The following DOCK1 variants were observed in gnomAD, a reference collection of about 807,000 sequenced individuals.
DOCK1 encodes dedicator of cytokinesis 1.
In DOCK1, 138 loss-of-function variants were observed where a neutral mutation model predicts 262.7. The ratio of observed to expected loss-of-function variants is 0.53; its 90% CI spans 0.46 to 0.61. DOCK1 has a LOEUF of 0.61. DOCK1 is among the 20% of genes least tolerant of loss of function. DOCK1 has a pLI of 0.00. For synonymous variants in DOCK1, 866 were observed against 867.4 expected, an observed-to-expected ratio of 1.00 and a Z score of 0.03; for missense variants, 1,908 against 2,370.7, an observed-to-expected ratio of 0.80 and a Z score of 4.05.
chr10:127,106,863 G>A (rs187294158), intron 24 of DOCK1, among the ~76,000 whole-genome samples: 155 of 152,232 alleles, frequency 1.0e-3, no homozygotes, highest in African/African-American at 3.4e-3. Flanking sequence ...CTAACTTGCC[G>A]CCTCTCAGTG....
rs185104221 is a variant in DOCK1 at position 127,102,389 on chromosome 10, C to T, written c.2446-3842C>T. 7.9e-5 allele frequency among the ~76,000 whole-genome samples: 12 copies of T among 152,284 alleles called. No homozygotes were observed. The East Asian group carries it at 9.7e-4, about 12-fold the overall frequency. ...TTGTCTGACAGGTGCAGAATACTTA[C>T]GTCATAGATGAGGCAACATGAACTC... On this transcript the variant is annotated intron_variant, in intron 23 of 51. Transcript: ENST00000623213.
At chr10:127,163,665 T>C (rs1206904249) in intron 27 of DOCK1, among the ~76,000 whole-genome samples, 4 of 152,174 alleles carry the variant, frequency 2.6e-5, no homozygotes, top group Admixed American at 6.5e-5. Flanking sequence ...GTATTCATAT[T>C]AGCCCATTTT....
At chr10:126,933,005 A>G (rs2034300319) in intron 1 of DOCK1, among the ~76,000 whole-genome samples, 1 of 151,780 alleles carries the variant, frequency 6.6e-6, no homozygotes, top group East Asian at 2.0e-4. Context: ...AGTCTGAGGC[A>G]TTTTTGAGCT....
intron 29 of DOCK1, among the ~76,000 whole-genome samples, chr10:127,299,655 TTA>T (rs2061617561): frequency 6.6e-6 from 1 of 152,108 alleles, no homozygotes; most frequent in Non-Finnish European, 1.5e-5. Flanking sequence ...AAGAATAACT[TTA>T]TATTGCTTTA....
At chr10:127,241,139 C>A (rs2498938) in intron 27 of DOCK1, among the ~76,000 whole-genome samples, 152,039 of 152,248 alleles carry the variant, frequency 1, 75,915 homozygotes, top group Non-Finnish European at 1. Context: ...CCTGGCCAAC[C>A]TGGCAAAACC....
intron 47 of DOCK1, among the ~76,000 whole-genome samples, chr10:127,430,051 G>A (rs1024365896): frequency 1.7e-4 from 26 of 151,882 alleles, no homozygotes; most frequent in Non-Finnish European, 2.4e-4. Context: ...AGATGCCATC[G>A]TCCCCCTCTC....
At chr10:127,353,936 G>T (rs1245103532) in intron 31 of DOCK1, among the ~76,000 whole-genome samples, 2 of 152,176 alleles carry the variant, frequency 1.3e-5, no homozygotes, top group African/African-American at 4.8e-5. Flanking sequence ...AGCAGAGCAG[G>T]CTCGATGACA....
chr10:127,439,165 A>G lies in DOCK1; in HGVS notation c.5199A>G (p.Lys1733=). Residue 1733 remains lysine (K), a synonymous_variant, in exon 49 of 52, where the codon AAA becomes AAG. Coordinates refer to ENST00000623213, the MANE Select transcript of DOCK1 (RefSeq NM_001290223.2). ...GCAAACATCAAGAGATATTTGAGAA[A>G]GAATTTAAACCCACCGACATTTCCC... is the stretch of plus-strand genomic sequence containing the variant. ...RNSKHQEIFE[K]EFKPTDISLQ... is the part of the protein sequence containing the mutation. 1 of 1,610,888 alleles carries G rather than the reference A, an allele frequency of 6.2e-7. No individual in the cohort carries two copies. The highest frequency in any genetic ancestry group is 8.5e-7 in the Non-Finnish European group (1 of 1,178,652).
rs1443046344 is a variant in DOCK1, at chr10:127,437,439, G to A, written c.5061-1588G>A. On this transcript the variant is annotated intron_variant, in intron 48 of 51. Coordinates refer to ENST00000623213, the MANE Select transcript of DOCK1 (RefSeq NM_001290223.2). The surrounding 1 kb of genome is among the most constrained non-coding windows in gnomAD (Gnocchi z 4.4). The stretch of plus-strand genomic sequence containing the variant: ...ACACAACATGGAAATAATCAACAGT[G>A]AGCAAATCAATGGGGAGCAAGATTG... Among the ~76,000 whole-genome samples the A allele has an allele frequency of 1.3e-5, 2 of 151,446 alleles. No individual in the cohort carries two copies. The highest frequency in any genetic ancestry group is 2.9e-5 in the Non-Finnish European group (2 of 67,966).
chr10:127,186,917 G>A (rs1267585170), intron 27 of DOCK1, among the ~76,000 whole-genome samples: 3 of 152,162 alleles, frequency 2.0e-5, no homozygotes, highest in Non-Finnish European at 4.4e-5. Flanking sequence ...ATAAGTCCAG[G>A]TCAGCTGTGG....
intron 31 of DOCK1, among the ~76,000 whole-genome samples, chr10:127,349,843 T>G (rs1412746736): frequency 2.0e-5 from 3 of 152,110 alleles, no homozygotes; most frequent in Non-Finnish European, 2.9e-5. Flanking sequence ...GCCTTCTTCT[T>G]TGTGTCTTCC....
At chr10:127,003,349 A>G (rs1026204216) in intron 10 of DOCK1, among the ~76,000 whole-genome samples, 3 of 151,822 alleles carry the variant, frequency 2.0e-5, no homozygotes, top group Non-Finnish European at 4.4e-5. Flanking sequence ...GTGAACCTGC[A>G]TGAACCTGCG....
At chr10:126,962,189 C>T (rs1234590923) in intron 1 of DOCK1, among the ~76,000 whole-genome samples, 39 of 143,570 alleles carry the variant, frequency 2.7e-4, no homozygotes, top group Admixed American at 2.3e-3. Flanking sequence ...GATGGAGTTT[C>T]GCTCTTGTTG....
intron 27 of DOCK1, among the ~76,000 whole-genome samples, chr10:127,244,786 G>A (rs527426077): frequency 3.3e-5 from 5 of 152,198 alleles, no homozygotes; most frequent in African/African-American, 9.6e-5. Flanking sequence ...TCAGCTGCTG[G>A]TGCTGGAGCC....
At chr10:126,970,513 T>C (rs1467733068) in intron 1 of DOCK1, among the ~76,000 whole-genome samples, 189 bp from the exon 2 acceptor site, 1 of 152,192 alleles carries the variant, frequency 6.6e-6, no homozygotes, top group African/African-American at 2.4e-5. Context: ...TTCTCCTCCT[T>C]AAACTATTGA....
At chr10:127,395,106 T>G (rs941422597) in intron 38 of DOCK1, among the ~76,000 whole-genome samples, 1 of 152,180 alleles carries the variant, frequency 6.6e-6, no homozygotes, top group African/African-American at 2.4e-5. Context: ...GACATCTCGC[T>G]TTTCCGGGGA....
intron 23 of DOCK1, among the ~76,000 whole-genome samples, chr10:127,081,111 A>G (rs1469250869): frequency 6.6e-6 from 1 of 152,184 alleles, no homozygotes; most frequent in Admixed American, 6.5e-5. Flanking sequence ...TCCTTTTATT[A>G]GAAGATAGAA....
At chr10:127,444,304 GAATC>G in intron 50 of DOCK1, 25 bp downstream of exon 50, 1 of 1,574,282 alleles carries the variant, frequency 6.4e-7, no homozygotes. Flanking sequence ...CCCCACATAC[GAATC>G]GTGCTATAGC....
At chr10:126,909,660 C>T (rs1022029736) in intron 1 of DOCK1, among the ~76,000 whole-genome samples, 2 of 152,170 alleles carry the variant, frequency 1.3e-5, no homozygotes, top group African/African-American at 4.8e-5. Flanking sequence ...GCAAATTACT[C>T]ATACTTTCTT....
Sources: allele counts gnomAD v4.1 joint callset (sites outside exome capture counted in the v4.1 genomes callset), GRCh38; gene constraint gnomAD v4.1.1; non-coding constraint Gnocchi (gnomAD v3.1); transcripts MANE v1.5; gene names NCBI Gene and HGNC (gene_info 2026-07-23, HGNC 2026-07-21).